Variants in DLG5 observed in about 807,000 individuals in gnomAD.
DLG5 encodes the protein discs large MAGUK scaffold protein 5.
DLG5 carries 48 observed loss-of-function variants against 189.8 expected under a neutral mutation model. The ratio of observed to expected loss-of-function variants is 0.25; its 90% CI spans 0.20 to 0.32. The LOEUF is 0.32. DLG5 is among the 10% of genes least tolerant of loss of function. The probability of loss-of-function intolerance (pLI) is 1.00; values close to 1 mark genes in which losing one functional copy is unlikely to be tolerated. For synonymous variants in DLG5, 1,016 were observed against 1,054.1 expected (o/e 0.96, Z 0.70); for missense variants, 2,160 against 2,544.7 (o/e 0.85, Z 3.25).
chr10:77,923,031 A>C (rs1846582271), intron 1 of DLG5, among the ~76,000 whole-genome samples: 1 of 152,184 alleles, frequency 6.6e-6, no homozygotes, highest in African/African-American at 2.4e-5. Context: ...TCAGCACCCA[A>C]GTGCCAGTGG....
At chr10:77,809,884 C>T (rs1448032531) in intron 23 of DLG5, among the ~76,000 whole-genome samples, 154 bp from the exon 24 acceptor site, 2 of 152,154 alleles carry the variant, frequency 1.3e-5, no homozygotes, top group African/African-American at 2.4e-5. Context: ...ACTGGCTCGG[C>T]GTTCGGGACA....
intron 1 of DLG5, among the ~76,000 whole-genome samples, chr10:77,924,106 C>T (rs1193065997): frequency 2.0e-5 from 3 of 152,178 alleles, no homozygotes; most frequent in South Asian, 2.1e-4. Flanking sequence ...CTTAAGAGAT[C>T]TGCCCGCCTC....
chr10:77,916,060 T>TA (rs928483563), intron 1 of DLG5, among the ~76,000 whole-genome samples: 67 of 148,748 alleles, frequency 4.5e-4, no homozygotes, highest in South Asian at 3.0e-3. Flanking sequence ...CTACTAAAAA[T>TA]AAAAAAAAAA....
intron 13 of DLG5, 34 bp downstream of exon 13, chr10:77,828,848 G>T: frequency 6.2e-7 from 1 of 1,600,958 alleles, no homozygotes. Context: ...GCCTATGCAC[G>T]GCAGATGACC....
At chr10:77,833,049 C>T (rs953631763) in intron 9 of DLG5, among the ~76,000 whole-genome samples, 5 of 151,988 alleles carry the variant, frequency 3.3e-5, no homozygotes, top group Admixed American at 3.3e-4. Context: ...ACACGAGCTT[C>T]TCACTGCCCC....
At chr10:77,848,966 C>G (rs1257483609) in intron 5 of DLG5, among the ~76,000 whole-genome samples, 2 of 152,094 alleles carry the variant, frequency 1.3e-5, no homozygotes, top group Admixed American at 6.5e-5. Flanking sequence ...ACTTAGATTC[C>G]CCAACCAAGC....
the DLG5 span, among the ~76,000 whole-genome samples, chr10:77,938,203 G>T: frequency 6.6e-6 from 1 of 152,002 alleles, no homozygotes; most frequent in South Asian, 2.1e-4. Flanking sequence ...CAACACTTTG[G>T]GGGGCCAAGG....
intron 25 of DLG5, 77 bp from the exon 26 acceptor site, chr10:77,807,005 G>T: frequency 6.6e-7 from 1 of 1,511,724 alleles, no homozygotes. Context: ...CTGTGGCCAG[G>T]CCCCTAAGGC....
intron 20 of DLG5, among the ~76,000 whole-genome samples, chr10:77,814,995 C>T (rs1277055033): frequency 1.3e-5 from 2 of 152,154 alleles, no homozygotes; most frequent in Non-Finnish European, 2.9e-5. Context: ...ATTTCATCTC[C>T]AATCGGATCC....
intron 1 of DLG5, among the ~76,000 whole-genome samples, chr10:77,898,946 T>C (rs764856461): frequency 1.3e-5 from 2 of 152,210 alleles, no homozygotes; most frequent in Non-Finnish European, 2.9e-5. Flanking sequence ...CCAGGACAGC[T>C]GTTATCAACT....
In DLG5 at chr10:77,887,737, G is replaced by C. The variant is rs182599738; in HGVS notation, c.305-18540C>G. Among the ~76,000 whole-genome samples, 92 of 152,336 alleles carry C rather than the reference G, an allele frequency of 6.0e-4. 1 individual carries two copies. The highest frequency in any genetic ancestry group is 2.2e-3 in the African/African-American group (91 of 41,586). On this transcript the variant is annotated intron_variant, in intron 1 of 31. Transcript: ENST00000372391. ...GGCAGAAGTAAGGCTGCTGAGGCCAGAGATCCCAGCCAGGCCATCTCCAGA... is the reference window on the plus strand; with the variant it reads ...GGCAGAAGTAAGGCTGCTGAGGCCACAGATCCCAGCCAGGCCATCTCCAGA...
intron 13 of DLG5, 110 bp downstream of exon 13, chr10:77,828,772 C>T: frequency 3.1e-6 from 3 of 980,552 alleles, no homozygotes; most frequent in East Asian, 5.0e-5. Flanking sequence ...TAGTACAATG[C>T]CCACAACAAG....
intron 2 of DLG5, among the ~76,000 whole-genome samples, chr10:77,857,801 G>T (rs1844309061): frequency 6.6e-6 from 1 of 152,188 alleles, no homozygotes; most frequent in African/African-American, 2.4e-5. Context: ...AGAGACCCTT[G>T]TTGGGGTCAG....
intron 1 of DLG5, among the ~76,000 whole-genome samples, chr10:77,890,593 G>T (rs2004382): frequency 2.6e-5 from 4 of 152,054 alleles, no homozygotes; most frequent in African/African-American, 9.7e-5. Context: ...GAGGCATGCA[G>T]ATCACCTGAG....
At chr10:77,810,983 G>C (rs561095716) in intron 23 of DLG5, 111 bp downstream of exon 23, 2 of 1,369,208 alleles carry the variant, frequency 1.5e-6, no homozygotes, top group Non-Finnish European at 2.0e-6. Context: ...CCTGGTGTGC[G>C]GCCTGCAGCA....
chr10:77,836,441 G>A (rs1474016538), intron 7 of DLG5, among the ~76,000 whole-genome samples: 1 of 152,200 alleles, frequency 6.6e-6, no homozygotes, highest in Non-Finnish European at 1.5e-5. Context: ...ACATGCAAAA[G>A]AGAAGCACGA....
At chr10:77,873,245 C>CA (rs1313906362) in intron 1 of DLG5, among the ~76,000 whole-genome samples, 1 of 152,134 alleles carries the variant, frequency 6.6e-6, no homozygotes, top group Admixed American at 6.5e-5. Flanking sequence ...ACTACCTGGG[C>CA]AACGTAAACT....
chr10:77,869,160 G>A lies in DLG5; in HGVS notation c.342C>T (p.Asp114=), dbSNP rs753096784. ...TYSVLSTMPS[D]SESSSSLSSV... is the part of the protein sequence containing the mutation. ...TGCTGAGGGAGCTGCTGCTTTCTGA[G>A]TCTGAGGGCATGGTGGACAGGACGC... The change falls in exon 2 of 32, where the codon GAC becomes GAT. Residue 114 remains aspartate (D), a synonymous_variant. Coordinates refer to ENST00000372391, the MANE Select transcript of DLG5 (RefSeq NM_004747.4). The A allele has an allele frequency of 4.7e-5, 76 of 1,613,838 alleles. 3 individuals are homozygous for A. The South Asian group carries it at 8.1e-4, about 17-fold the overall frequency.
Position 77,806,793 on chromosome 10 carries a change from C to T in DLG5, c.4932G>A (p.Gln1644=), listed in dbSNP as rs1342191667. 7 of 1,543,708 alleles carry T rather than the reference C, an allele frequency of 4.5e-6. No homozygotes were observed. The highest frequency in any genetic ancestry group is 1.4e-5 in the African/African-American group (1 of 72,904). Residue 1644 remains glutamine (Q), a synonymous_variant, in exon 26 of 32, where the codon CAG becomes CAA. Coordinates refer to ENST00000372391, the MANE Select transcript of DLG5 (RefSeq NM_004747.4). Reference sequence around the variant, plus strand: ...TGGGAATCTGCCCGCGCTGGATCTTCTGGGCATTCTCGTCCAGCTGCCAAG... The same window carrying T: ...TGGGAATCTGCCCGCGCTGGATCTTTTGGGCATTCTCGTCCAGCTGCCAAG... The part of the protein sequence containing the change: ...WMAWQLDENA[Q]KIQRGQIPSK...
Sources: gnomAD v4.1 joint callset for allele counts (sites outside exome capture counted in the v4.1 genomes callset) on GRCh38, gnomAD v4.1.1 for gene constraint, MANE v1.5 for transcripts, NCBI Gene and HGNC (gene_info 2026-07-23, HGNC 2026-07-21) for gene names.